Variants in GC observed in about 807,000 individuals in gnomAD.
GC encodes GC vitamin D binding protein.
A neutral mutation model predicts 56.7 loss-of-function variants in GC; 43 were observed. That is an observed-to-expected ratio of 0.76 (90% confidence interval 0.59 to 0.98). GC has a LOEUF of 0.98. Ranked by LOEUF, GC falls within the 50% of genes least tolerant of loss-of-function variation. The pLI, the probability that GC is intolerant of heterozygous loss-of-function variation, is 0.00. For synonymous variants in GC, 216 were observed against 202.7 expected (o/e 1.07, Z -0.56); for missense variants, 529 against 545.9 (o/e 0.97, Z 0.31).
chr4:71,781,399 A>C (rs1042044270), intron 1 of GC, among the ~76,000 whole-genome samples: 1 of 151,940 alleles, frequency 6.6e-6, no homozygotes, highest in Non-Finnish European at 1.5e-5. Context: ...AATAAAAAAG[A>C]AAACTTGAAT....
intron 1 of GC, among the ~76,000 whole-genome samples, chr4:71,800,213 G>T (rs1743216839): frequency 6.6e-6 from 1 of 151,970 alleles, no homozygotes; most frequent in African/African-American, 2.4e-5. Context: ...TTTAGCCATT[G>T]GTCCTGATGC....
At chr4:71,772,058 G>T (rs1167228833) in intron 1 of GC, among the ~76,000 whole-genome samples, 2 of 152,076 alleles carry the variant, frequency 1.3e-5, no homozygotes, top group African/African-American at 4.8e-5. Context: ...TTTTATCATT[G>T]TAAATATCAA....
chr4:71,804,079 T>C (rs1366097945), upstream of GC: 2 of 693,772 alleles, frequency 2.9e-6, no homozygotes, highest in Non-Finnish European at 5.2e-6. Flanking sequence ...CAAAGATTTG[T>C]ATGCAAGCTC....
chr4:71,752,967 G>A (rs995651355), intron 10 of GC, among the ~76,000 whole-genome samples: 1 of 152,098 alleles, frequency 6.6e-6, no homozygotes, highest in African/African-American at 2.4e-5. Context: ...CTTCTCTTCA[G>A]TTTTAAATTT....
intron 7 of GC, 101 bp downstream of exon 7, chr4:71,757,941 G>A (rs930105825): frequency 7.8e-5 from 68 of 876,294 alleles, no homozygotes; most frequent in Non-Finnish European, 1.1e-4. Flanking sequence ...GCATCCGTTA[G>A]GATAATGCAT....
chr4:71,742,801 C>T (rs1308245096), intron 12 of GC, among the ~76,000 whole-genome samples: 1 of 152,056 alleles, frequency 6.6e-6, no homozygotes, highest in African/African-American at 2.4e-5. Context: ...GGTGAAACCC[C>T]GTCTCTACTA....
chr4:71,742,971 C>G (rs909291324), intron 12 of GC, among the ~76,000 whole-genome samples: 1 of 152,042 alleles, frequency 6.6e-6, no homozygotes, highest in Non-Finnish European at 1.5e-5. Flanking sequence ...GAGATTCCGT[C>G]TTGGTGTGGG....
chr4:71,744,372 T>C (rs1363379238), intron 12 of GC, among the ~76,000 whole-genome samples: 1 of 137,248 alleles, frequency 7.3e-6, no homozygotes, highest in African/African-American at 2.8e-5. Flanking sequence ...GGCAGGAGAA[T>C]GGCGTGAACC....
chr4:71,798,843 C>G (rs1481340846), intron 1 of GC, among the ~76,000 whole-genome samples: 1 of 152,068 alleles, frequency 6.6e-6, no homozygotes, highest in Non-Finnish European at 1.5e-5. Context: ...TGTAGTCTCT[C>G]TTTTTTTATT....
At chr4:71,778,684 A>T (rs1384533698) in intron 1 of GC, among the ~76,000 whole-genome samples, 9 of 151,844 alleles carry the variant, frequency 5.9e-5, no homozygotes, top group Non-Finnish European at 8.8e-5. Context: ...GGCCCAAACC[A>T]TGAGGGCCAA....
Position 71,763,860 on chromosome 4 carries a change from A to G in GC, c.550T>C (p.Ser184Pro), listed in dbSNP as rs1339244918. 6.2e-7 allele frequency: 1 copy of G among 1,610,928 alleles called. No individual in the cohort carries two copies. The highest frequency in any genetic ancestry group is 8.5e-7 in the Non-Finnish European group (1 of 1,177,160). The change falls in exon 5 of 13, where the codon TCT becomes CCT. Residue 184 changes from serine to proline, a missense_variant. Physicochemically the swap from Ser to Pro is moderately conservative, Grantham distance 74. Transcript: ENST00000273951. Reference protein sequence around the residue: ...LLVSYTKSYLSMVGSCCTSAS... With the variant: ...LLVSYTKSYLPMVGSCCTSAS... The stretch of plus-strand genomic sequence containing the variant: ...GAGGTACAGCAGGACCCTACCATAG[A>G]AAGATAACTCTTGGTGTAACTGACT...
At chr4:71,778,320 A>C (rs1742573097) in intron 1 of GC, among the ~76,000 whole-genome samples, 1 of 151,960 alleles carries the variant, frequency 6.6e-6, no homozygotes, top group Non-Finnish European at 1.5e-5. Context: ...AGATACAATT[A>C]TTTGTTAATA....
At chr4:71,795,956 C>A (rs963750712) in intron 1 of GC, among the ~76,000 whole-genome samples, 1 of 152,154 alleles carries the variant, frequency 6.6e-6, no homozygotes, top group East Asian at 1.9e-4. Context: ...GTTGACAATT[C>A]TTTTCTTTAA....
At chr4:71,781,143 C>T (rs1028080236) in intron 1 of GC, among the ~76,000 whole-genome samples, 9 of 151,914 alleles carry the variant, frequency 5.9e-5, no homozygotes, top group African/African-American at 2.2e-4. Flanking sequence ...GGACAGAAAA[C>T]CACACACCAC....
chr4:71,755,134 G>A, intron 8 of GC, 27 bp from the exon 9 acceptor site: 4 of 961,652 alleles, frequency 4.2e-6, no homozygotes, highest in Non-Finnish European at 5.9e-6. Flanking sequence ...AAGGAGATAT[G>A]TGTTATATAT....
At chr4:71,764,269 A>G (rs1187985329) in intron 4 of GC, among the ~76,000 whole-genome samples, 2 of 152,336 alleles carry the variant, frequency 1.3e-5, no homozygotes, top group Non-Finnish European at 2.9e-5. Flanking sequence ...GATGTGAGCC[A>G]CCATGCTTGG....
At chr4:71,788,197 T>TTA (rs34539583), upstream of GC, among the ~76,000 whole-genome samples, 61,690 of 151,584 alleles carry the variant, frequency 0.41, 15,071 homozygotes, top group South Asian at 0.54. Context: ...TGTAATTCGT[T>TTA]TATGCTCACT....
Position 71,800,756 on chromosome 4 carries a change from T to C in GC, c.21+3170A>G, listed in dbSNP as rs561028186. ...TTGCCAGCATCTGTTGTTTCTTGAA[T>C]TTTTAATGATTGCCATCCGACTGGC... is the stretch of plus-strand genomic sequence containing the variant. On this transcript the variant is annotated intron_variant, in intron 1 of 13. Coordinates refer to the GC transcript ENST00000504199. Among the ~76,000 whole-genome samples, 56 of 152,352 alleles carry C rather than the reference T, an allele frequency of 3.7e-4. 1 individual carries two copies. Among genetic ancestry groups the C allele is most frequent in the African/African-American group, 1.2e-3 (51 of 41,588 alleles).
intron 11 of GC, 25 bp from the exon 12 acceptor site, chr4:71,746,230 A>G (rs1741359610): frequency 4.6e-6 from 5 of 1,092,754 alleles, no homozygotes; most frequent in Non-Finnish European, 7.0e-6. Context: ...AGAATGTTAT[A>G]TAACTTATGA....
Sources: allele counts gnomAD v4.1 joint callset (sites outside exome capture counted in the v4.1 genomes callset), GRCh38; gene constraint gnomAD v4.1.1; transcripts MANE v1.5; gene names NCBI Gene and HGNC (gene_info 2026-07-23, HGNC 2026-07-21).